Variants in UNC119 observed in about 807,000 individuals in gnomAD.
The protein encoded by UNC119 is protein unc-119 homolog A.
A neutral mutation model predicts 22.6 loss-of-function variants in UNC119; 15 were observed. The ratio of observed to expected loss-of-function variants is 0.66; its 90% confidence interval spans 0.44 to 1.02. The LOEUF (loss-of-function observed/expected upper bound fraction) is 1.02. Among genes scored for constraint, UNC119 ranks in the 50% least tolerant of loss-of-function variants. The pLI, the probability that UNC119 is intolerant of heterozygous loss-of-function variation, is 0.00. For synonymous variants in UNC119, 138 were observed against 139.4 expected (o/e 0.99, Z 0.07); for missense variants, 322 against 336.0 (o/e 0.96, Z 0.33).
chr17:28,548,710 G>C lies in UNC119; in HGVS notation c.221-5C>G. The C allele has an allele frequency of 6.2e-7, 1 of 1,612,612 alleles. No homozygotes were observed. Among genetic ancestry groups the C allele is most frequent in the Non-Finnish European group, 8.5e-7 (1 of 1,178,814 alleles). On this transcript the variant is annotated splice_polypyrimidine_tract_variant and splice_region_variant and intron_variant, in intron 1 of 4. Coordinates refer to ENST00000335765, the MANE Select transcript of UNC119 (RefSeq NM_005148.4). ...CCTCAGGGGAGCAGAGGTAGTCTAG[G>C]GGAAACAGGCAGCTGAGCAAGGAAG...
At position 28,548,698 on chromosome 17, in the gene UNC119, G is replaced by C. The variant is rs2151508032; in HGVS notation, c.228C>G (p.Leu76=). 2.5e-6 allele frequency: 4 copies of C among 1,613,908 alleles called. No individual in the cohort carries two copies. The Admixed American group carries it at 6.7e-5, about 27-fold the overall frequency. The change falls in exon 2 of 5, where the codon CTC becomes CTG. Residue 76 remains leucine, a synonymous_variant. Transcript: ENST00000335765. ...TGTAGATATTCTCCTCAGGGGAGCA[G>C]AGGTAGTCTAGGGGAAACAGGCAGC... is the stretch of plus-strand genomic sequence containing the variant. ...LGLQRITGDY[L]CSPEENIYKI... is the part of the protein sequence containing the mutation.
At chr17:28,548,765 C>T (rs887216861) in intron 1 of UNC119, 60 bp from the exon 2 acceptor site, 1 of 1,370,646 alleles carries the variant, frequency 7.3e-7, no homozygotes, top group East Asian at 2.3e-5. Context: ...GCCAGGTCAG[C>T]TTGTGTGGGA....
rs756993032 is a variant in UNC119 at position 28,552,326 on chromosome 17, G to A, written c.220+12C>T. 3.3e-6 allele frequency: 5 copies of A among 1,532,202 alleles called. No homozygotes were observed. The South Asian group carries it at 6.0e-5, about 18-fold the overall frequency. 94.9% of individuals were successfully genotyped at this position (1,532,202 alleles called of 1,614,324 possible). A position where few individuals can be genotyped will look rare whatever the true frequency, so the allele number is the denominator to read the frequency against. Reference sequence around the variant, plus strand: ...TCCCACCCGCGGGCGGCGCTCCCTCGCGGGTGCTCACCACCGGTGATCCGC... The same window carrying A: ...TCCCACCCGCGGGCGGCGCTCCCTCACGGGTGCTCACCACCGGTGATCCGC... On this transcript the variant is annotated intron_variant, in intron 1 of 4. Coordinates refer to ENST00000335765, the MANE Select transcript of UNC119 (RefSeq NM_005148.4).
Position 28,548,093 on chromosome 17 carries a change from G to A in UNC119, c.343C>T (p.Pro115Ser). 2 of 1,613,264 alleles carry A rather than the reference G, an allele frequency of 1.2e-6. No individual in the cohort carries two copies. Among genetic ancestry groups the A allele is most frequent in the Non-Finnish European group, 1.7e-6 (2 of 1,179,832 alleles). The stretch of plus-strand genomic sequence containing the variant: ...GGGTCCAGGTCCCGCCGGTTGATGG[G>A]CAACCGTTCTGCAATGTACCCCAGC... ...IKKPPVSERL[P>S]INRRDLDPNA... The change falls in exon 3 of 5, where the codon CCC (proline) becomes TCC (serine). Residue 115 changes from proline (P) to serine (S), a missense_variant. Coordinates refer to ENST00000335765, the MANE Select transcript of UNC119 (RefSeq NM_005148.4).
intron 2 of UNC119, 88 bp from the exon 3 acceptor site, chr17:28,548,189 AT>A (rs1232483490): frequency 3.7e-5 from 50 of 1,366,026 alleles, no homozygotes; most frequent in South Asian, 2.3e-4. Flanking sequence ...CATCTATCTG[AT>A]TTTTTTTAAA....
Position 28,547,352 on chromosome 17 carries a change from T to A in UNC119, c.668A>T (p.Asp223Val). The change falls in exon 5 of 5, where the codon GAT becomes GTT. Residue 223 changes from aspartate (D) to valine (V), a missense_variant. Transcript: ENST00000335765. ...TTTATTGTGCATCACCAGCCGGTCATCCACGAAGTAGAAGCTGTCAGACTG... is the reference window on the plus strand; with the variant it reads ...TTTATTGTGCATCACCAGCCGGTCAACCACGAAGTAGAAGCTGTCAGACTG... Reference protein sequence around the residue: ...ETQSDSFYFVDDRLVMHNKAD... With the variant: ...ETQSDSFYFVVDRLVMHNKAD... 2.5e-6 allele frequency: 4 copies of A among 1,614,136 alleles called. No individual in the cohort carries two copies. Among genetic ancestry groups the A allele is most frequent in the Non-Finnish European group, 3.4e-6 (4 of 1,180,020 alleles).
intron 1 of UNC119, chr17:28,550,444 A>T (rs537308050): frequency 6.6e-6 from 1 of 152,348 alleles, no homozygotes; most frequent in South Asian, 2.1e-4. Flanking sequence ...AGAAGAAGTG[A>T]GGAACACGGA....
Position 28,552,010 on chromosome 17 carries a change from C to A in UNC119, c.220+328G>T, listed in dbSNP as rs562703413. ...ATTAGTGCAGGGACGGGCCTCAAAGCGCTCTGGAGACTCCACAGCTACAGG... is the reference window on the plus strand; with the variant it reads ...ATTAGTGCAGGGACGGGCCTCAAAGAGCTCTGGAGACTCCACAGCTACAGG... On this transcript the variant is annotated intron_variant, in intron 1 of 4. Transcript: ENST00000335765. 3,797 of 536,400 alleles carry A rather than the reference C, an allele frequency of 7.1e-3. 35 individuals are homozygous for A. The highest frequency in any genetic ancestry group is 8.6e-3 in the Middle Eastern group (17 of 1,984). The allele number at this position is 536,400 out of a possible 1,614,324, so 33.2% of individuals were successfully genotyped here. A position where few individuals can be genotyped will look rare whatever the true frequency, so the allele number is the denominator to read the frequency against.
chr17:28,550,165 G>A (rs763984252), intron 1 of UNC119: 1 of 152,314 alleles, frequency 6.6e-6, no homozygotes, highest in Non-Finnish European at 1.5e-5. Flanking sequence ...GGAGAGAATG[G>A]AAGTGGGCAA....
In UNC119 at chr17:28,552,296, C is replaced by T. The variant is rs528723456; in HGVS notation, c.220+42G>A. The T allele has an allele frequency of 1.8e-5, 28 of 1,522,338 alleles. No individual in the cohort carries two copies. The South Asian group carries it at 3.1e-4, about 17-fold the overall frequency. The allele number at this position is 1,522,338 out of a possible 1,614,324, so 94.3% of individuals were successfully genotyped here. A position where few individuals can be genotyped will look rare whatever the true frequency, so the allele number is the denominator to read the frequency against. On this transcript the variant is annotated intron_variant, in intron 1 of 4. Coordinates refer to ENST00000335765, the MANE Select transcript of UNC119 (RefSeq NM_005148.4). The stretch of plus-strand genomic sequence containing the variant: ...GCCGGGAGGGCCCCTCGCACCCTCT[C>T]CCCTTCCCACCCGCGGGCGGCGCTC...
Position 28,548,080 on chromosome 17 carries a change from C to T in UNC119, c.356G>A (p.Arg119Gln), listed in dbSNP as rs200211619. ...GCGCCCAGCATTGGGGTCCAGGTCC[C>T]GCCGGTTGATGGGCAACCGTTCTGC... ...PVSERLPINR[R>Q]DLDPNAGRFV... is the part of the protein sequence containing the mutation. Residue 119 changes from arginine (R) to glutamine (Q), a missense_variant, in exon 3 of 5, where the codon CGG becomes CAG. Arg to Gln is a conservative substitution (Grantham distance 43). Coordinates refer to ENST00000335765, the MANE Select transcript of UNC119 (RefSeq NM_005148.4). 108 of 1,613,704 alleles carry T rather than the reference C, an allele frequency of 6.7e-5. 1 individual carries two copies. The Admixed American group carries it at 1.5e-3, about 22-fold the overall frequency.
At chr17:28,552,188 A>G in intron 1 of UNC119, 150 bp downstream of exon 1, 1 of 732,074 alleles carries the variant, frequency 1.4e-6, no homozygotes, top group Non-Finnish European at 2.3e-6. Context: ...ACCTGGCGGC[A>G]GAAGGGAGAG....
chr17:28,552,023 C>A (rs890539480), intron 1 of UNC119: 4 of 575,360 alleles, frequency 7.0e-6, no homozygotes, highest in Admixed American at 4.4e-5. Flanking sequence ...TCTGGAGACT[C>A]CACAGCTACA....
rs531975581 is a variant in UNC119 at position 28,552,565 on chromosome 17, C to T, written c.-8G>A. The T allele has an allele frequency of 8.6e-6, 13 of 1,510,048 alleles. No homozygotes were observed. In the African/African-American group the frequency reaches 1.2e-4, roughly 13 times the overall value. 93.5% of individuals were successfully genotyped at this position (1,510,048 alleles called of 1,614,324 possible). A position where few individuals can be genotyped will look rare whatever the true frequency, so the allele number is the denominator to read the frequency against. On this transcript the variant is annotated 5_prime_UTR_variant, in exon 1 of 5. Coordinates refer to ENST00000335765, the MANE Select transcript of UNC119 (RefSeq NM_005148.4). ...GCCCTTCTTCACCTTCATGGCCTTGCGGGGCCGAGGCTCGCCTGCTGCTGC... is the reference window on the plus strand; with the variant it reads ...GCCCTTCTTCACCTTCATGGCCTTGTGGGGCCGAGGCTCGCCTGCTGCTGC...
At chr17:28,548,947 G>A (rs767416454) in intron 1 of UNC119, 7 of 483,714 alleles carry the variant, frequency 1.4e-5, no homozygotes, top group African/African-American at 2.0e-5. Context: ...GCCAGGGAAG[G>A]GCAGGGCAGA....
At position 28,548,577 on chromosome 17, in the gene UNC119, A is replaced by G; in HGVS notation, c.334+15T>C. 6.2e-7 allele frequency: 1 copy of G among 1,607,910 alleles called. No homozygotes were observed. Among genetic ancestry groups the G allele is most frequent in the African/African-American group, 1.3e-5 (1 of 74,896 alleles). ...CTATCTGCCTCCCCATCAATGGCCCACCCAGCCCACTCACCTGAGACTGGG... is the reference window on the plus strand; with the variant it reads ...CTATCTGCCTCCCCATCAATGGCCCGCCCAGCCCACTCACCTGAGACTGGG... On this transcript the variant is annotated intron_variant, in intron 2 of 4. Coordinates refer to ENST00000335765, the MANE Select transcript of UNC119 (RefSeq NM_005148.4).
Position 28,552,276 on chromosome 17 carries a change from G to C in UNC119, c.220+62C>G. ...CGGGGGCCAGGGCTTGGCGCGCCGGGAGGGCCCCTCGCACCCTCTCCCCTT... is the reference window on the plus strand; with the variant it reads ...CGGGGGCCAGGGCTTGGCGCGCCGGCAGGGCCCCTCGCACCCTCTCCCCTT... On this transcript the variant is annotated intron_variant, in intron 1 of 4. Coordinates refer to ENST00000335765, the MANE Select transcript of UNC119 (RefSeq NM_005148.4). 2.0e-6 allele frequency: 3 copies of C among 1,468,588 alleles called. No individual in the cohort carries two copies. In the Admixed American group the frequency reaches 6.2e-5, roughly 30 times the overall value. 91.0% of individuals were successfully genotyped at this position (1,468,588 alleles called of 1,614,324 possible).
intron 1 of UNC119, chr17:28,550,743 G>A (rs2070260683): frequency 6.6e-6 from 1 of 152,206 alleles, no homozygotes; most frequent in East Asian, 1.9e-4. Flanking sequence ...GGGTTCTCAT[G>A]AAGCCCTTTC....
intron 2 of UNC119, 28 bp from the exon 3 acceptor site, chr17:28,548,129 T>G: frequency 6.3e-7 from 1 of 1,593,812 alleles, no homozygotes; most frequent in Non-Finnish European, 8.5e-7. Flanking sequence ...TGGGGCTCAG[T>G]GGGCTTCAGG....
Sources: allele counts gnomAD v4.1 joint callset, GRCh38; gene constraint gnomAD v4.1.1; transcripts MANE v1.5; gene names NCBI Gene and HGNC (gene_info 2026-07-23, HGNC 2026-07-21).